Variants in UNC13A observed in about 807,000 individuals in gnomAD.
UNC13A encodes protein unc-13 homolog A.
In UNC13A, 61 loss-of-function variants were observed where a neutral mutation model predicts 219.7. The observed-to-expected ratio is 0.28, with a 90% CI of 0.23 to 0.34. UNC13A has a LOEUF of 0.34. Ranked by LOEUF, UNC13A falls within the 10% of genes least tolerant of loss-of-function variation. The pLI is 1.00. For synonymous variants in UNC13A, 920 were observed against 884.6 expected (o/e 1.04, Z -0.71); for missense variants, 1,476 against 2,270.3 (o/e 0.65, Z 7.11).
chr19:17,607,745 C>T (rs915071027), intron 43 of UNC13A, among the ~76,000 whole-genome samples: 4 of 151,900 alleles, frequency 2.6e-5, no homozygotes, highest in Non-Finnish European at 4.4e-5. Context: ...ACTTCTGTCT[C>T]CTAAGAACAT....
intron 9 of UNC13A, 59 bp downstream of exon 9, chr19:17,658,003 C>G: frequency 6.4e-7 from 1 of 1,560,110 alleles, no homozygotes; most frequent in Admixed American, 1.8e-5. Context: ...CCGTACCCCT[C>G]TCTCCACTCC....
chr19:17,652,771 G>A, intron 11 of UNC13A, 94 bp from the exon 12 acceptor site: 3 of 1,426,086 alleles, frequency 2.1e-6, no homozygotes, highest in South Asian at 1.2e-5. Flanking sequence ...TCTGGGCTGG[G>A]AGTCAGATGG....
chr19:17,647,182 G>T, intron 17 of UNC13A, 83 bp downstream of exon 17: 5 of 1,312,020 alleles, frequency 3.8e-6, no homozygotes, highest in Non-Finnish European at 5.3e-6. Context: ...GCAAAGGAGA[G>T]GGACCAGGCC....
At chr19:17,611,962 C>T in intron 41 of UNC13A, 107 bp from the exon 42 acceptor site, 1 of 931,702 alleles carries the variant, frequency 1.1e-6, no homozygotes, top group South Asian at 1.6e-5. Context: ...ACCAGGTCAT[C>T]AGCCCTGATA....
chr19:17,646,269 G>GTGTGTGTT lies in UNC13A; in HGVS notation c.2045-159_2045-158insAACACACA, dbSNP rs1555781066. On this transcript the variant is annotated intron_variant, in intron 17 of 43. Coordinates refer to ENST00000519716, the MANE Select transcript of UNC13A (RefSeq NM_001080421.3). Reference sequence around the variant, plus strand: ...TGGGCTTGCCAGAGAGGTTTTTTGTGTGTTTGTTTGTTTGTTTGTTTGTTT... The same window carrying GTGTGTGTT: ...TGGGCTTGCCAGAGAGGTTTTTTGTGTGTGTGTTTGTTTGTTTGTTTGTTTGTTTGTTT... Among the ~76,000 whole-genome samples, 6 of 150,860 alleles carry GTGTGTGTT rather than the reference G, an allele frequency of 4.0e-5. No homozygotes were observed. In the South Asian group the frequency reaches 1.1e-3, roughly 26 times the overall value.
chr19:17,658,007 C>T (rs923152039), intron 9 of UNC13A, 55 bp downstream of exon 9: 49 of 1,571,718 alleles, frequency 3.1e-5, no homozygotes, highest in Middle Eastern at 1.7e-4. Flanking sequence ...ACCCCTCTCT[C>T]CACTCCAGGA....
At chr19:17,637,514 G>C (rs1264303700) in intron 25 of UNC13A, among the ~76,000 whole-genome samples, 5 of 151,722 alleles carry the variant, frequency 3.3e-5, no homozygotes, top group African/African-American at 1.2e-4. Flanking sequence ...TAGCCAGGAT[G>C]GTCTCGATCT....
At chr19:17,665,026 C>A (rs759731335) in intron 7 of UNC13A, among the ~76,000 whole-genome samples, 1 of 152,040 alleles carries the variant, frequency 6.6e-6, no homozygotes, top group Non-Finnish European at 1.5e-5. Flanking sequence ...ATGGCAAAAC[C>A]CCATCTCTAC....
chr19:17,647,565 G>T, intron 16 of UNC13A, 73 bp from the exon 17 acceptor site: 1 of 1,438,824 alleles, frequency 7.0e-7, no homozygotes, highest in Non-Finnish European at 9.5e-7. Context: ...CGAGAGCCCC[G>T]CCCCTACTCA....
At chr19:17,620,610 A>G (rs2076718829) in intron 38 of UNC13A, 83 bp downstream of exon 38, 1 of 1,300,954 alleles carries the variant, frequency 7.7e-7, no homozygotes, top group East Asian at 3.3e-5. Context: ...GACGGCACGA[A>G]CCACAGAGGT....
intron 3 of UNC13A, 51 bp from the exon 4 acceptor site, chr19:17,672,546 G>C: frequency 6.8e-7 from 1 of 1,480,548 alleles, no homozygotes; most frequent in East Asian, 2.3e-5. Flanking sequence ...AGGAAACGGG[G>C]GCCCAGGGAG....
At chr19:17,621,160 C>T (rs181054397) in intron 37 of UNC13A, among the ~76,000 whole-genome samples, 3 of 152,156 alleles carry the variant, frequency 2.0e-5, no homozygotes, top group African/African-American at 7.2e-5. Context: ...AAACTACATA[C>T]GTGCACTCCT....
At position 17,621,711 on chromosome 19, in the gene UNC13A, A is replaced by C. The variant is rs1163644989; in HGVS notation, c.4242+121T>G. The stretch of plus-strand genomic sequence containing the variant: ...TGGTTTTGCAGGACTTGGTTAGGAG[A>C]GCTATCTCCTACCCACGACCCCCAG... On this transcript the variant is annotated intron_variant, in intron 37 of 43. Transcript: ENST00000519716. 25 of 945,412 alleles carry C rather than the reference A, an allele frequency of 2.6e-5. No homozygotes were observed. The Admixed American group carries it at 4.4e-4, about 17-fold the overall frequency. 58.6% of individuals were successfully genotyped at this position (945,412 alleles called of 1,614,324 possible).
intron 31 of UNC13A, 118 bp from the exon 32 acceptor site, chr19:17,628,058 C>T: frequency 1.1e-6 from 1 of 902,752 alleles, no homozygotes; most frequent in African/African-American, 1.7e-5. Flanking sequence ...AAGCTGGGGT[C>T]CCATGGGGTC....
At chr19:17,639,652 A>C (rs2076946771) in intron 23 of UNC13A, 127 bp from the exon 24 acceptor site, 2 of 1,204,338 alleles carry the variant, frequency 1.7e-6, no homozygotes, top group Non-Finnish European at 2.4e-6. Context: ...CCTCGAAGCA[A>C]CTGGGGATCT....
At chr19:17,646,252 C>A (rs1405079632) in intron 17 of UNC13A, 141 bp from the exon 18 acceptor site, 7 of 1,120,802 alleles carry the variant, frequency 6.2e-6, no homozygotes, top group Admixed American at 2.7e-5. Flanking sequence ...GCTGGGCTTG[C>A]CAGAGAGGTT....
chr19:17,607,369 C>A (rs2076543109), intron 43 of UNC13A, among the ~76,000 whole-genome samples: 1 of 130,522 alleles, frequency 7.7e-6, no homozygotes, highest in Admixed American at 8.3e-5. Flanking sequence ...TCAAACGATT[C>A]TTCTGCCTCA....
chr19:17,621,602 G>A (rs770871637), intron 37 of UNC13A, among the ~76,000 whole-genome samples: 6 of 152,106 alleles, frequency 3.9e-5, no homozygotes, highest in Non-Finnish European at 7.4e-5. Context: ...GAGGATGGGA[G>A]CTGTTTGTGC....
At chr19:17,668,435 G>C (rs1264331467) in intron 5 of UNC13A, among the ~76,000 whole-genome samples, 1 of 152,098 alleles carries the variant, frequency 6.6e-6, no homozygotes, top group Non-Finnish European at 1.5e-5. Context: ...ACAGGAGATG[G>C]TTCCTAGCCT....
Sources: allele counts gnomAD v4.1 joint callset (sites outside exome capture counted in the v4.1 genomes callset), GRCh38; gene constraint gnomAD v4.1.1; transcripts MANE v1.5; gene names NCBI Gene and HGNC (gene_info 2026-07-23, HGNC 2026-07-21).